The following SIPA1L2 variants were observed in gnomAD, a reference collection of about 807,000 sequenced individuals.
SIPA1L2 encodes the protein signal-induced proliferation-associated 1-like protein 2.
Under a neutral mutation model 163.9 loss-of-function variants are expected in SIPA1L2, and 56 were observed. The observed-to-expected ratio is 0.34, with a 90% CI of 0.28 to 0.43. The LOEUF (loss-of-function observed/expected upper bound fraction) is 0.43. SIPA1L2 is among the 20% of genes least tolerant of loss of function. The probability of loss-of-function intolerance (pLI) is 1.00; values close to 1 mark genes in which losing one functional copy is unlikely to be tolerated. For synonymous variants in SIPA1L2, 877 were observed against 865.7 expected (o/e 1.01, Z -0.23); for missense variants, 1,974 against 2,193.5 (o/e 0.90, Z 2.00).
intron 2 of SIPA1L2, among the ~76,000 whole-genome samples, chr1:232,563,944 GT>G (rs1264800808): frequency 0.012 from 1,197 of 99,994 alleles, 8 homozygotes; most frequent in Non-Finnish European, 0.015. Context: ...ACAAAGGTTT[GT>G]TTTTTTTTTT....
chr1:232,421,988 T>G (rs551143473), intron 18 of SIPA1L2, among the ~76,000 whole-genome samples: 2 of 152,298 alleles, frequency 1.3e-5, no homozygotes, highest in East Asian at 1.9e-4. Flanking sequence ...CTGCCAATGC[T>G]TGGGATTGTG....
At chr1:232,429,674 G>A (rs1036173340) in intron 16 of SIPA1L2, among the ~76,000 whole-genome samples, 1 of 151,962 alleles carries the variant, frequency 6.6e-6, no homozygotes, top group African/African-American at 2.4e-5. Flanking sequence ...TTGGTTTGTG[G>A]GATGGCATGA....
chr1:232,476,216 C>T (rs1665036990), intron 7 of SIPA1L2, among the ~76,000 whole-genome samples: 1 of 152,032 alleles, frequency 6.6e-6, no homozygotes, highest in Admixed American at 6.6e-5. Flanking sequence ...AGGCTTAGCC[C>T]AAATACAACA....
chr1:232,450,949 C>T (rs896344137), intron 10 of SIPA1L2, among the ~76,000 whole-genome samples: 1 of 152,154 alleles, frequency 6.6e-6, no homozygotes. Context: ...TGCAGAAAGT[C>T]ATATAGGAAA....
At chr1:232,598,237 T>TA (rs10536551) in intron 1 of SIPA1L2, among the ~76,000 whole-genome samples, 1,025 of 98,494 alleles carry the variant, frequency 0.01, 4 homozygotes, top group Middle Eastern at 0.016. Context: ...CCCTGTCTGT[T>TA]AAAAAAAAAA....
chr1:232,543,983 C>T (rs1657853664), intron 2 of SIPA1L2, among the ~76,000 whole-genome samples: 1 of 152,216 alleles, frequency 6.6e-6, no homozygotes, highest in Non-Finnish European at 1.5e-5. Context: ...CCCTAACTCT[C>T]ACATTGTTCA....
At chr1:232,456,756 A>G (rs1663943556) in intron 10 of SIPA1L2, among the ~76,000 whole-genome samples, 2 of 152,212 alleles carry the variant, frequency 1.3e-5, no homozygotes. Flanking sequence ...ATCTTAATTA[A>G]GCATTTCTGG....
In SIPA1L2 at chr1:232,502,151, G is replaced by A. The variant is rs202160335; in HGVS notation, c.1484-8491C>T. Among the ~76,000 whole-genome samples, 11 of 152,194 alleles carry A rather than the reference G, an allele frequency of 7.2e-5. No individual in the cohort carries two copies. In the East Asian group the frequency reaches 2.1e-3, roughly 29 times the overall value. On this transcript the variant is annotated intron_variant, in intron 3 of 22. Transcript: ENST00000674635. ...TGATACTTATCACGTGCTTAACCTT[G>A]GGTTAGTTACAGACCCTTTCTTAAC...
chr1:232,604,979 TA>T (rs1452318004), intron 1 of SIPA1L2, among the ~76,000 whole-genome samples: 1 of 152,176 alleles, frequency 6.6e-6, no homozygotes, highest in Non-Finnish European at 1.5e-5. Context: ...CTTTTCCTTA[TA>T]AATTACCCAG....
At chr1:232,438,903 C>T (rs1295143189) in intron 15 of SIPA1L2, among the ~76,000 whole-genome samples, 1 of 149,698 alleles carries the variant, frequency 6.7e-6, no homozygotes, top group South Asian at 2.1e-4. Context: ...AAAAAAAAAA[C>T]ACCAACAAGG....
intron 2 of SIPA1L2, among the ~76,000 whole-genome samples, chr1:232,535,398 T>C (rs1488539052): frequency 6.6e-6 from 1 of 152,314 alleles, no homozygotes; most frequent in East Asian, 1.9e-4. Flanking sequence ...GATTGTAAAA[T>C]GTCTTTAGTC....
At chr1:232,501,018 C>T (rs972692964) in intron 3 of SIPA1L2, among the ~76,000 whole-genome samples, 13 of 137,468 alleles carry the variant, frequency 9.5e-5, no homozygotes, top group East Asian at 2.4e-4. Flanking sequence ...GCTGAAGGCT[C>T]GGTGATTGTT....
Position 232,428,435 on chromosome 1 carries a change from G to C in SIPA1L2, c.4386C>G (p.Pro1462=). 1 of 1,574,694 alleles carries C rather than the reference G, an allele frequency of 6.4e-7. No homozygotes were observed. Among genetic ancestry groups the C allele is most frequent in the South Asian group, 1.2e-5 (1 of 84,938 alleles). ...DFLKLMLPDS[P]LVEEGRRKFS... ...CCTTTCTTCGCCCCTCCTCCACTAA[G>C]GGGCTGTCAGGAAGCATCAATTTCA... Residue 1462 remains proline, a synonymous_variant, in exon 17 of 23, where the codon CCC becomes CCG. Transcript: ENST00000674635.
intron 1 of SIPA1L2, among the ~76,000 whole-genome samples, chr1:232,628,419 G>C (rs566948092): frequency 2.0e-5 from 3 of 152,332 alleles, no homozygotes; most frequent in Admixed American, 2.0e-4. Context: ...GAATCAAGCA[G>C]TGAAATTCAA....
chr1:232,570,733 A>G (rs1659677622), intron 2 of SIPA1L2, among the ~76,000 whole-genome samples: 1 of 152,180 alleles, frequency 6.6e-6, no homozygotes, highest in Admixed American at 6.5e-5. Context: ...AGCAACTCAA[A>G]CAGTAAAAAT....
chr1:232,564,148 TC>T lies in SIPA1L2; in HGVS notation c.-270+10025del, dbSNP rs1379079292. ...CGACGAAGGTTGTTTTTTTTTTTTT[TC>T]GTGTGTGTGTGTGTGTGTGTGTGTG... is the stretch of plus-strand genomic sequence containing the variant. On this transcript the variant is annotated intron_variant, in intron 2 of 22. Transcript: ENST00000674635. Among the ~76,000 whole-genome samples the T allele has an allele frequency of 7.0e-4, 17 of 24,128 alleles. 1 individual carries two copies. Among genetic ancestry groups the T allele is most frequent in the African/African-American group, 4.8e-3 (17 of 3,550 alleles). The allele number at this position is 24,128 out of a possible 152,430, so 15.8% of individuals were successfully genotyped here. A position where few individuals can be genotyped will look rare whatever the true frequency, so the allele number is the denominator to read the frequency against.
chr1:232,595,578 C>T (rs1298121429), intron 1 of SIPA1L2, among the ~76,000 whole-genome samples: 1 of 152,110 alleles, frequency 6.6e-6, no homozygotes, highest in Non-Finnish European at 1.5e-5. Flanking sequence ...CTCATTCCAC[C>T]CGACTCAAAC....
intron 3 of SIPA1L2, among the ~76,000 whole-genome samples, chr1:232,508,333 G>C (rs1047064607): frequency 6.6e-6 from 1 of 152,138 alleles, no homozygotes; most frequent in Admixed American, 6.5e-5. Context: ...GTAGGGCACA[G>C]AACCGTTTTA....
At chr1:232,572,553 C>A (rs2102778554) in intron 2 of SIPA1L2, among the ~76,000 whole-genome samples, 1 of 151,834 alleles carries the variant, frequency 6.6e-6, no homozygotes, top group South Asian at 2.1e-4. Flanking sequence ...AATTTCACCA[C>A]TCAACATGTA....
Sources: allele counts gnomAD v4.1 joint callset (sites outside exome capture counted in the v4.1 genomes callset), GRCh38; gene constraint gnomAD v4.1.1; transcripts MANE v1.5; gene names NCBI Gene and HGNC (gene_info 2026-07-23, HGNC 2026-07-21).